NEGR1: variants seen among roughly 807,000 people sequenced by gnomAD.
The protein encoded by NEGR1 is IgLON family member 4.
NEGR1 carries 10 observed loss-of-function variants against 40.9 expected under a neutral mutation model. The observed-to-expected ratio is 0.24, with a 90% CI of 0.15 to 0.42. The LOEUF is 0.42. Ranked by LOEUF, NEGR1 falls within the 10% of genes least tolerant of loss-of-function variation. The pLI is 1.00. For synonymous variants in NEGR1, 185 were observed against 166.8 expected (o/e 1.11, Z -0.84); for missense variants, 352 against 438.9 (o/e 0.80, Z 1.77).
chr1:71,931,554 A>G (rs1284288274), intron 2 of NEGR1, among the ~76,000 whole-genome samples: 1 of 152,124 alleles, frequency 6.6e-6, no homozygotes, highest in East Asian at 1.9e-4. Context: ...AAACAGATGG[A>G]CAAGAACAAG....
intron 1 of NEGR1, among the ~76,000 whole-genome samples, chr1:72,137,624 T>G (rs149222511): frequency 6.6e-6 from 1 of 152,026 alleles, no homozygotes; most frequent in East Asian, 1.9e-4. Flanking sequence ...AGGAGAAATA[T>G]CTAATGTAAA....
intron 1 of NEGR1, among the ~76,000 whole-genome samples, chr1:72,245,332 A>G (rs939443243): frequency 1.5e-4 from 23 of 152,086 alleles, no homozygotes; most frequent in African/African-American, 5.5e-4. Context: ...ACTAATATCA[A>G]TTAAAGAAAT....
intron 1 of NEGR1, among the ~76,000 whole-genome samples, chr1:72,133,990 T>C (rs763083956): frequency 1.7e-4 from 26 of 151,912 alleles, no homozygotes; most frequent in Non-Finnish European, 2.6e-4. Flanking sequence ...ATAAGATCTA[T>C]TGAAATATCA....
At chr1:71,549,130 T>C (rs1647994120) in intron 6 of NEGR1, among the ~76,000 whole-genome samples, 1 of 151,724 alleles carries the variant, frequency 6.6e-6, no homozygotes, top group Non-Finnish European at 1.5e-5. Flanking sequence ...GTGCTTACTA[T>C]ATCCTAAACA....
intron 1 of NEGR1, among the ~76,000 whole-genome samples, chr1:71,944,635 T>G (rs1220515409): frequency 2.0e-5 from 3 of 152,238 alleles, no homozygotes; most frequent in Non-Finnish European, 4.4e-5. Context: ...AATAAACTTA[T>G]GCTACTTTAC....
intron 3 of NEGR1, among the ~76,000 whole-genome samples, chr1:71,739,221 A>AC (rs1655135775): frequency 1.3e-5 from 2 of 150,974 alleles, no homozygotes; most frequent in South Asian, 2.1e-4. Context: ...AAAAAAACAA[A>AC]AAAAAAAAAC....
intron 1 of NEGR1, among the ~76,000 whole-genome samples, chr1:72,046,072 C>A: frequency 6.6e-6 from 1 of 151,112 alleles, no homozygotes; most frequent in African/African-American, 2.4e-5. Flanking sequence ...TCAAAATATC[C>A]CAAAAAAGGA....
chr1:71,658,170 T>C (rs1224264543), intron 4 of NEGR1, among the ~76,000 whole-genome samples: 2 of 152,178 alleles, frequency 1.3e-5, no homozygotes, highest in Non-Finnish European at 2.9e-5. Flanking sequence ...TATTAGAGAG[T>C]GAGCTCCTTG....
intron 2 of NEGR1, among the ~76,000 whole-genome samples, chr1:71,934,793 T>A (rs1051018107): frequency 1.3e-5 from 2 of 152,128 alleles, no homozygotes; most frequent in Admixed American, 1.3e-4. Flanking sequence ...TCTTAATGAC[T>A]ACAATACTTG....
intron 6 of NEGR1, among the ~76,000 whole-genome samples, chr1:71,527,398 A>T (rs948378555): frequency 1.5e-5 from 2 of 137,236 alleles, no homozygotes; most frequent in Non-Finnish European, 3.1e-5. Context: ...CCATCCATCC[A>T]ACCACCATCC....
chr1:72,203,419 G>A (rs1017399743), intron 1 of NEGR1, among the ~76,000 whole-genome samples: 1 of 152,046 alleles, frequency 6.6e-6, no homozygotes. Flanking sequence ...TAGAAGTGGA[G>A]GCTGAAGGTA....
rs1645905984 is a variant in NEGR1, at chr1:71,936,421, C to T, written c.177-1110G>A. Among the ~76,000 whole-genome samples, 3 of 152,080 alleles carry T rather than the reference C, an allele frequency of 2.0e-5. No homozygotes were observed. In the South Asian group the frequency reaches 6.2e-4, roughly 31 times the overall value. ...CAAGAGCAAACCAATTATTACCATA[C>T]AGAAAGGAGAATATTTTTATGAAAT... On this transcript the variant is annotated intron_variant, in intron 1 of 6. Coordinates refer to ENST00000357731, the MANE Select transcript of NEGR1 (RefSeq NM_173808.3).
At chr1:71,751,216 C>T (rs1257046237) in intron 3 of NEGR1, among the ~76,000 whole-genome samples, 1 of 151,946 alleles carries the variant, frequency 6.6e-6, no homozygotes, top group Non-Finnish European at 1.5e-5. Flanking sequence ...GAACTCTTAG[C>T]TAAGATCAGT....
chr1:71,713,840 G>A (rs1570248329), intron 3 of NEGR1, among the ~76,000 whole-genome samples: 1 of 152,096 alleles, frequency 6.6e-6, no homozygotes, highest in Non-Finnish European at 1.5e-5. Flanking sequence ...TCTTATAGAT[G>A]TCTTTGTAAA....
At chr1:72,059,357 T>A (rs140918428) in intron 1 of NEGR1, among the ~76,000 whole-genome samples, 1 of 151,552 alleles carries the variant, frequency 6.6e-6, no homozygotes. Context: ...TTAAAAAATA[T>A]CTTCTGTAGA....
chr1:72,248,488 C>T (rs1038178768), intron 1 of NEGR1, among the ~76,000 whole-genome samples: 3 of 151,596 alleles, frequency 2.0e-5, no homozygotes, highest in Non-Finnish European at 2.9e-5. Context: ...GATCTCCTGA[C>T]CTCAGGTGAT....
intron 6 of NEGR1, among the ~76,000 whole-genome samples, chr1:71,589,910 T>C (rs1649441679): frequency 6.6e-6 from 1 of 152,124 alleles, no homozygotes; most frequent in Non-Finnish European, 1.5e-5. Context: ...CTCTCTCATC[T>C]TCATCGTGTC....
chr1:72,244,711 T>C (rs915277002), intron 1 of NEGR1, among the ~76,000 whole-genome samples: 3 of 152,006 alleles, frequency 2.0e-5, no homozygotes, highest in African/African-American at 7.2e-5. Context: ...TATGAGTCTC[T>C]GGTCACATAT....
chr1:71,839,345 A>C (rs1448441365), intron 2 of NEGR1, among the ~76,000 whole-genome samples: 1 of 151,728 alleles, frequency 6.6e-6, no homozygotes, highest in Non-Finnish European at 1.5e-5. Flanking sequence ...CTGGGATTAC[A>C]GGGGTGAGCC....
Sources: gnomAD v4.1 joint callset for allele counts (sites outside exome capture counted in the v4.1 genomes callset) on GRCh38, gnomAD v4.1.1 for gene constraint, MANE v1.5 for transcripts, NCBI Gene and HGNC (gene_info 2026-07-23, HGNC 2026-07-21) for gene names.